MPZ: variants seen among roughly 807,000 people sequenced by gnomAD.
MPZ encodes myelin protein zero, also known as myelin protein P0.
Under a neutral mutation model 27.9 loss-of-function variants are expected in MPZ, and 13 were observed. The observed-to-expected ratio is 0.47, with a 90% CI of 0.30 to 0.74. The LOEUF (loss-of-function observed/expected upper bound fraction) is 0.74. MPZ is among the 30% of genes least tolerant of loss of function. MPZ has a pLI of 0.06. For synonymous variants in MPZ, 118 were observed against 128.9 expected (o/e 0.92, Z 0.57); for missense variants, 256 against 317.5 (o/e 0.81, Z 1.47).
chr1:161,309,921 A>G lies in MPZ; in HGVS notation c.-16T>C, dbSNP rs751303659. On this transcript the variant is annotated 5_prime_UTR_variant, in exon 1 of 6. Coordinates refer to ENST00000533357, the MANE Select transcript of MPZ (RefSeq NM_000530.8). ...CAGGAGCCATAGCTGGGGCAGGGGC[A>G]GGGGCCCGGAGCATCTGTGGGGTTG... 12 of 1,574,118 alleles carry G rather than the reference A, an allele frequency of 7.6e-6. No individual in the cohort carries two copies. The highest frequency in any genetic ancestry group is 1.3e-5 in the African/African-American group (1 of 74,446).
At position 161,307,414 on chromosome 1, in the gene MPZ, C is replaced by T. The variant is rs777790314; in HGVS notation, c.78G>A (p.Pro26=). 1.9e-5 allele frequency: 30 copies of T among 1,614,156 alleles called. No individual in the cohort carries two copies. The highest frequency in any genetic ancestry group is 8.3e-5 in the Admixed American group (5 of 60,034). Residue 26 remains proline, a synonymous_variant, in exon 2 of 6, where the codon CCG becomes CCA. Transcript: ENST00000533357. Reference sequence around the variant, plus strand: ...CGGTGTAAACCACGATGGCCTGGGCCGGGGACAGCACTGCAAGCACAAAGT... The same window carrying T: ...CGGTGTAAACCACGATGGCCTGGGCTGGGGACAGCACTGCAAGCACAAAGT... ...VLLFSSLVLS[P]AQAIVVYTDR... is the part of the protein sequence containing the mutation.
At chr1:161,308,308 CT>C (rs1670311260) in intron 1 of MPZ, among the ~76,000 whole-genome samples, 2 of 152,320 alleles carry the variant, frequency 1.3e-5, no homozygotes, top group South Asian at 4.1e-4. Context: ...CACCCCAAGC[CT>C]ACAGCTCAGA....
At chr1:161,304,703 G>A (rs1420276138), downstream of MPZ, 1 of 152,762 alleles carries the variant, frequency 6.5e-6, no homozygotes, top group Non-Finnish European at 1.5e-5. Flanking sequence ...TTATTCCCAG[G>A]AGGACTAGGA....
At chr1:161,309,760 G>A in intron 1 of MPZ, 79 bp downstream of exon 1, 1 of 1,119,446 alleles carries the variant, frequency 8.9e-7, no homozygotes, top group Non-Finnish European at 1.3e-6. Flanking sequence ...GGTTGCAGTG[G>A]GGAGTGCAGC....
intron 3 of MPZ, 110 bp downstream of exon 3, chr1:161,306,598 T>C (rs904758537): frequency 1.3e-5 from 20 of 1,541,970 alleles, no homozygotes; most frequent in Non-Finnish European, 1.8e-5. Flanking sequence ...TCCCAGAGCC[T>C]GAATAAAGGT....
Position 161,305,801 on chromosome 1 carries a change from C to T in MPZ, c.*75G>A. ...TCTGCTCATCCTTTCGTAGCTCCAT[C>T]TCGATGACCATCACCTTTGGGCCTT... On this transcript the variant is annotated 3_prime_UTR_variant, in exon 6 of 6. Transcript: ENST00000533357. 9.0e-7 allele frequency: 1 copy of T among 1,112,670 alleles called. No homozygotes were observed. The highest frequency in any genetic ancestry group is 1.3e-6 in the Non-Finnish European group (1 of 751,882). 68.9% of individuals were successfully genotyped at this position (1,112,670 alleles called of 1,614,324 possible). A position where few individuals can be genotyped will look rare whatever the true frequency, so the allele number is the denominator to read the frequency against.
chr1:161,306,885 C>T lies in MPZ; in HGVS notation c.271G>A (p.Glu91Lys), dbSNP rs1383238492. Residue 91 changes from glutamate (E) to lysine (K), a missense_variant, in exon 3 of 6, where the codon GAG becomes AAG. Around this residue, in one of 2 missense-constraint regions of MPZ, gnomAD observed 155 missense variants for 223.9 expected, o/e 0.69. Coordinates refer to ENST00000533357, the MANE Select transcript of MPZ (RefSeq NM_000530.8). ...ATGCGCTCTTTGAAGGTCCCCACCT[C>T]GTCAATGTAGGGTTGTCCCTTGGCA... Reference protein sequence around the residue: ...HYAKGQPYIDEVGTFKERIQW... With the variant: ...HYAKGQPYIDKVGTFKERIQW... 6.2e-6 allele frequency: 10 copies of T among 1,613,654 alleles called. No homozygotes were observed. The highest frequency in any genetic ancestry group is 8.5e-6 in the Non-Finnish European group (10 of 1,179,988).
chr1:161,309,552 A>ATATATATTTTTTTTTTTTTTTTTT, intron 1 of MPZ, among the ~76,000 whole-genome samples: 4 of 80,638 alleles, frequency 5.0e-5, no homozygotes, highest in African/African-American at 2.3e-4. Context: ...ATATATATAT[A>ATATATATTTTTTTTTTTTTTTTTT]TTTTTTTTTT....
rs1571818248 is a variant in MPZ at position 161,306,426 on chromosome 1, CG to C, written c.486del (p.Ile162MetfsTer90). ...TRYGVVLGAV[I>X]GGVLGVVLLL... is the part of the protein sequence containing the mutation. ...AACAGCACCACCCCGAGGACACCCC[CG>C]ATCACAGCTCCCAGAACGACCCCGT... On this transcript the variant is annotated frameshift_variant, in exon 4 of 6. Transcript: ENST00000533357. LOFTEE classifies it high-confidence loss of function. The C allele has an allele frequency of 1.9e-6, 3 of 1,614,194 alleles. No homozygotes were observed. The highest frequency in any genetic ancestry group is 2.5e-6 in the Non-Finnish European group (3 of 1,180,036).
chr1:161,309,889 G>C lies in MPZ; in HGVS notation c.17C>G (p.Pro6Arg). ...CAGGATAGGGCTGGGGCTGGATGAG[G>C]GAGCCCCAGGAGCCATAGCTGGGGC... MAPGA[P>R]SSSPSPILAV... The change falls in exon 1 of 6, where the codon CCC becomes CGC. Residue 6 changes from proline (P) to arginine (R), a missense_variant. Physicochemically the swap from Pro to Arg is moderately radical, Grantham distance 103. Transcript: ENST00000533357. The C allele has an allele frequency of 6.3e-7, 1 of 1,588,136 alleles. No homozygotes were observed.
At chr1:161,306,636 C>T in intron 3 of MPZ, 72 bp downstream of exon 3, 2 of 1,576,636 alleles carry the variant, frequency 1.3e-6, no homozygotes, top group Non-Finnish European at 1.7e-6. Flanking sequence ...TGCCTCTTCC[C>T]CCAACCTATC....
chr1:161,307,442 G>A lies in MPZ; in HGVS notation c.68-18C>T. 6.2e-7 allele frequency: 1 copy of A among 1,613,780 alleles called. No individual in the cohort carries two copies. On this transcript the variant is annotated intron_variant, in intron 1 of 5. Transcript: ENST00000533357. ...GGACAGCACTGCAAGCACAAAGTGG[G>A]GAATCAGATGCACCTATGGGCCCAG...
chr1:161,304,533 A>G (rs1158475859), downstream of MPZ, among the ~76,000 whole-genome samples: 1 of 152,204 alleles, frequency 6.6e-6, no homozygotes, highest in Non-Finnish European at 1.5e-5. Context: ...AGAGTTTACA[A>G]CGTAGTATAA....
At chr1:161,309,552 A>ATATATATATATATATATATTTTTTTT in intron 1 of MPZ, among the ~76,000 whole-genome samples, 21 of 80,610 alleles carry the variant, frequency 2.6e-4, no homozygotes, top group Non-Finnish European at 4.5e-4. Context: ...ATATATATAT[A>ATATATATATATATATATATTTTTTTT]TTTTTTTTTT....
chr1:161,309,552 A>ATATATAT lies in MPZ; in HGVS notation c.67+286_67+287insATATATA. Among the ~76,000 whole-genome samples, 189 of 80,638 alleles carry ATATATAT rather than the reference A, an allele frequency of 2.3e-3. 2 individuals carry two copies. Among genetic ancestry groups the ATATATAT allele is most frequent in the African/African-American group, 9.8e-3 (169 of 17,328 alleles). 52.9% of individuals were successfully genotyped at this position (80,638 alleles called of 152,430 possible). On this transcript the variant is annotated intron_variant, in intron 1 of 5. Coordinates refer to ENST00000533357, the MANE Select transcript of MPZ (RefSeq NM_000530.8). ...TTTCTTTTCATATATATATATATAT[A>ATATATAT]TTTTTTTTTTTTTTGAATTTTACAG...
intron 2 of MPZ, 93 bp from the exon 3 acceptor site, chr1:161,307,014 CAAAA>C (rs34621933): frequency 0.022 from 4,990 of 226,656 alleles, 1 homozygote; most frequent in Middle Eastern, 0.028. Flanking sequence ...AAGAAAAAAG[CAAAA>C]AAAAAAAAAA....
chr1:161,307,013 GCAAAAAAAAA>G, intron 2 of MPZ, 92 bp from the exon 3 acceptor site: 2 of 64,086 alleles, frequency 3.1e-5, no homozygotes, highest in Non-Finnish European at 5.1e-5. Context: ...AAAGAAAAAA[GCAAAAAAAAA>G]AAAAAAAAAA....
In MPZ at chr1:161,306,418, G is replaced by T. The variant is rs1248339860; in HGVS notation, c.495C>A (p.Val165=). The T allele has an allele frequency of 3.1e-6, 5 of 1,614,148 alleles. No homozygotes were observed. Among genetic ancestry groups the T allele is most frequent in the African/African-American group, 1.3e-5 (1 of 75,026 alleles). Residue 165 remains valine (V), a synonymous_variant, in exon 4 of 6, where the codon GTC becomes GTA. Transcript: ENST00000533357. ...GVVLGAVIGG[V]LGVVLLLLLL... ...GCAGCAGCAACAGCACCACCCCGAG[G>T]ACACCCCCGATCACAGCTCCCAGAA...
Position 161,309,552 on chromosome 1 carries a change from A to ATATATT in MPZ, c.67+286_67+287insAATATA. On this transcript the variant is annotated intron_variant, in intron 1 of 5. Transcript: ENST00000533357. The stretch of plus-strand genomic sequence containing the variant: ...TTTCTTTTCATATATATATATATAT[A>ATATATT]TTTTTTTTTTTTTTGAATTTTACAG... Among the ~76,000 whole-genome samples, 210 of 80,622 alleles carry ATATATT rather than the reference A, an allele frequency of 2.6e-3. 8 individuals carry two copies. The highest frequency in any genetic ancestry group is 0.011 in the African/African-American group (184 of 17,322). 52.9% of individuals were successfully genotyped at this position (80,622 alleles called of 152,430 possible).
Sources: allele counts gnomAD v4.1 joint callset (sites outside exome capture counted in the v4.1 genomes callset), GRCh38; gene constraint gnomAD v4.1.1; regional missense constraint gnomAD v4.1.1; transcripts MANE v1.5; gene names NCBI Gene and HGNC (gene_info 2026-07-23, HGNC 2026-07-21).